Variants in TASOR2 observed in about 807,000 individuals in gnomAD.
TASOR2 encodes protein TASOR 2.
Under a neutral mutation model 199.5 loss-of-function variants are expected in TASOR2, and 84 were observed. The observed-to-expected ratio is 0.42, with a 90% CI of 0.35 to 0.50. The LOEUF is 0.50. Among genes scored for constraint, TASOR2 ranks in the 20% least tolerant of loss-of-function variants. The pLI is 0.02. For missense variants in TASOR2, 2,796 were observed against 2,835.9 expected, an observed-to-expected ratio of 0.99 and a Z score of 0.32; for synonymous variants, 1,103 against 1,046.6, an observed-to-expected ratio of 1.05 and a Z score of -1.04.
At position 5,711,998 on chromosome 10, in the gene TASOR2, TA is replaced by T. The variant is rs899049872; in HGVS notation, c.-287-815del. On this transcript the variant is annotated intron_variant, in intron 1 of 20. Transcript: ENST00000328090. The stretch of plus-strand genomic sequence containing the variant: ...GTTTATCAAGTGTGGCGTATATATT[TA>T]AAAAAAAAAGAATAGAAACAAAGGA... Among the ~76,000 whole-genome samples, 397 of 147,970 alleles carry T rather than the reference TA, an allele frequency of 2.7e-3. 2 individuals carry two copies. Among genetic ancestry groups the T allele is most frequent in the African/African-American group, 9.2e-3 (371 of 40,512 alleles).
Position 5,710,856 on chromosome 10 carries a change from C to G in TASOR2, c.-287-1967C>G, listed in dbSNP as rs1372029255. 6.6e-6 allele frequency among the ~76,000 whole-genome samples: 1 copy of G among 151,950 alleles called. No individual in the cohort carries two copies. The highest frequency in any genetic ancestry group is 2.4e-5 in the African/African-American group (1 of 41,388). On this transcript the variant is annotated intron_variant, in intron 1 of 20. Coordinates refer to ENST00000328090, the Ensembl canonical transcript of TASOR2. The surrounding 1 kb of genome is among the most constrained non-coding windows in gnomAD (Gnocchi z 4.6). ...TATAAAGTTCCCAAAATTATTGTTT[C>G]TAAAGAAATCTTGATTTGTGTTTAG...
rs371996495 is a variant in TASOR2, at chr10:5,754,971, G to A, written c.6607-1642G>A. 9.4e-4 allele frequency among the ~76,000 whole-genome samples: 140 copies of A among 149,482 alleles called. No individual in the cohort carries two copies. Among genetic ancestry groups the A allele is most frequent in the African/African-American group, 3.3e-3 (133 of 40,538 alleles). ...TGAGGCAGGAGAATGGCGTGAACCCGGGAGGCAGAGCTTGCAGTGAGCCGA... is the reference window on the plus strand; with the variant it reads ...TGAGGCAGGAGAATGGCGTGAACCCAGGAGGCAGAGCTTGCAGTGAGCCGA... On this transcript the variant is annotated intron_variant, in intron 15 of 20. Coordinates refer to ENST00000328090, the Ensembl canonical transcript of TASOR2. This position sits in a 1 kb window ranked among gnomAD's most constrained non-coding sequence, Gnocchi z 4.3.
At position 5,742,059 on chromosome 10, in the gene TASOR2, T is replaced by C; in HGVS notation, c.2328-38T>C. ...AAGGTAATCAACTAAAATAACCATT[T>C]TCAATGATTTTCATGTGTTCTTTCT... On this transcript the variant is annotated intron_variant, in intron 13 of 20. Coordinates refer to ENST00000328090, the Ensembl canonical transcript of TASOR2. This position sits in a 1 kb window ranked among gnomAD's most constrained non-coding sequence, Gnocchi z 4.2. 6.3e-7 allele frequency: 1 copy of C among 1,581,024 alleles called. No individual in the cohort carries two copies. The highest frequency in any genetic ancestry group is 8.6e-7 in the Non-Finnish European group (1 of 1,166,498).
At chr10:5,732,623 T>C (rs1834983317) in intron 11 of TASOR2, among the ~76,000 whole-genome samples, 1 of 152,236 alleles carries the variant, frequency 6.6e-6, no homozygotes, top group African/African-American at 2.4e-5. Flanking sequence ...AGTGACATGA[T>C]CATAGCTCAC....
At position 5,742,627 on chromosome 10, in the gene TASOR2, G is replaced by A. The variant is rs1347543360; in HGVS notation, c.2757+101G>A. On this transcript the variant is annotated intron_variant, in intron 14 of 20. Transcript: ENST00000328090. This position sits in a 1 kb window ranked among gnomAD's most constrained non-coding sequence, Gnocchi z 4.2. ...AAAACAAGGCATTTTTAAATTTTAG[G>A]ACAGTGAATTCTCAAGGTATGTAAA... The A allele has an allele frequency of 8.9e-7, 1 of 1,123,848 alleles. No homozygotes were observed. The highest frequency in any genetic ancestry group is 1.3e-6 in the Non-Finnish European group (1 of 791,100). The allele number at this position is 1,123,848 out of a possible 1,614,324, so 69.6% of individuals were successfully genotyped here.
intron 1 of TASOR2, among the ~76,000 whole-genome samples, chr10:5,707,437 G>A (rs1187919955): frequency 1.3e-5 from 2 of 151,956 alleles, no homozygotes; most frequent in African/African-American, 4.8e-5. Context: ...CTGCCATCTT[G>A]GTTGCAAGGA....
chr10:5,723,535 T>G (rs894685712), intron 6 of TASOR2, 142 bp from the exon 8 acceptor site: 1 of 469,756 alleles, frequency 2.1e-6, no homozygotes, highest in Non-Finnish European at 3.8e-6. Flanking sequence ...AAAATACACA[T>G]ATTATTTAAC....
Position 5,730,840 on chromosome 10 carries a change from C to G in TASOR2, c.841C>G (p.Leu281Val), listed in dbSNP as rs374378576. The G allele has an allele frequency of 5.6e-6, 9 of 1,614,188 alleles. No homozygotes were observed. The highest frequency in any genetic ancestry group is 1.1e-5 in the South Asian group (1 of 91,086). ...GGAAGTGTCTACTGCTTTGGACTTG[C>G]TAGCAGAGCATCCTCAGTCTCCTTG... Residue 281 changes from leucine (L) to valine (V), a missense_variant, in exon 11 of 21, where the codon CTA becomes GTA. By Grantham distance (32) the Leu-to-Val change is conservative. Around this residue, in one of 3 missense-constraint regions of TASOR2, gnomAD observed 847 missense variants for 887.4 expected, o/e 0.95. Transcript: ENST00000328090. The surrounding 1 kb of genome is among the most constrained non-coding windows in gnomAD (Gnocchi z 4.1).
chr10:5,748,186 G>A lies in TASOR2; in HGVS notation c.4765G>A (p.Asp1589Asn), dbSNP rs774219508. Residue 1589 changes from aspartate (D) to asparagine (N), a missense_variant, in exon 15 of 21, where the codon GAC becomes AAC. By Grantham distance (23) the Asp-to-Asn change is conservative. Around this residue, in one of 3 missense-constraint regions of TASOR2, gnomAD observed 1,941 missense variants for 1,924.9 expected, o/e 1.01. Transcript: ENST00000328090. The surrounding 1 kb of genome is among the most constrained non-coding windows in gnomAD (Gnocchi z 5.1). Reference sequence around the variant, plus strand: ...TGTTATTGAAAATAAGTCTTTGTCTGACACATTGGTTTCCACAACTGCACC... The same window carrying A: ...TGTTATTGAAAATAAGTCTTTGTCTAACACATTGGTTTCCACAACTGCACC... The A allele has an allele frequency of 1.2e-4, 188 of 1,614,102 alleles. No homozygotes were observed. Among genetic ancestry groups the A allele is most frequent in the Non-Finnish European group, 1.6e-4 (184 of 1,180,048 alleles).
At position 5,685,461 on chromosome 10, in the gene TASOR2, A is replaced by G. The variant is rs1835705262; in HGVS notation, c.-288+286A>G. On this transcript the variant is annotated intron_variant, in intron 1 of 20. Coordinates refer to ENST00000328090, the Ensembl canonical transcript of TASOR2. The surrounding 1 kb of genome is among the most constrained non-coding windows in gnomAD (Gnocchi z 5.4). ...AGGCGTTTCGTTTGCGTCGCCTGTC[A>G]GGGGACAGCTGCGTCCTCAGGGATA... Among the ~76,000 whole-genome samples the G allele has an allele frequency of 6.6e-6, 1 of 152,066 alleles. No individual in the cohort carries two copies. The highest frequency in any genetic ancestry group is 2.1e-4 in the South Asian group (1 of 4,826).
At chr10:5,736,172 G>A (rs1168094907) in intron 12 of TASOR2, among the ~76,000 whole-genome samples, 4 of 152,112 alleles carry the variant, frequency 2.6e-5, no homozygotes, top group Admixed American at 6.5e-5. Flanking sequence ...TGTAATCCCA[G>A]CACTTTGTGA....
chr10:5,715,443 A>T (rs1243521051), intron 2 of TASOR2, among the ~76,000 whole-genome samples: 1 of 152,014 alleles, frequency 6.6e-6, no homozygotes, highest in African/African-American at 2.4e-5. Context: ...GCCTTTATAG[A>T]TTTGTCTATT....
At position 5,748,663 on chromosome 10, in the gene TASOR2, G is replaced by T; in HGVS notation, c.5242G>T (p.Gly1748Trp). The change falls in exon 15 of 21, where the codon GGG (glycine) becomes TGG (tryptophan). Residue 1748 changes from glycine (G) to tryptophan (W), a missense_variant. Coordinates refer to ENST00000328090, the Ensembl canonical transcript of TASOR2. The surrounding 1 kb of genome is among the most constrained non-coding windows in gnomAD (Gnocchi z 5.1). ...TGAAACAAAGGAGCTATTGAATGTC[G>T]GGGTTTCCTCCCTTTGTGCTGGTCC... is the stretch of plus-strand genomic sequence containing the variant. 1 of 1,614,186 alleles carries T rather than the reference G, an allele frequency of 6.2e-7. No individual in the cohort carries two copies. Among genetic ancestry groups the T allele is most frequent in the Non-Finnish European group, 8.5e-7 (1 of 1,180,042 alleles).
intron 18 of TASOR2, chr10:5,761,068 G>A: frequency 2.0e-6 from 1 of 488,392 alleles, no homozygotes; most frequent in East Asian, 3.5e-5. Flanking sequence ...GTAGGTAGAT[G>A]CATGATGTCC....
rs1838179406 is a variant in TASOR2 at position 5,752,362 on chromosome 10, C to T, written c.6606+2335C>T. Reference sequence around the variant, plus strand: ...GGAGGTCTTTGCTCAGGAAGTGCTGCAGCACAGAAAGCAGAGCATAGGGGC... The same window carrying T: ...GGAGGTCTTTGCTCAGGAAGTGCTGTAGCACAGAAAGCAGAGCATAGGGGC... On this transcript the variant is annotated intron_variant, in intron 15 of 20. Coordinates refer to ENST00000328090, the Ensembl canonical transcript of TASOR2. This position sits in a 1 kb window ranked among gnomAD's most constrained non-coding sequence, Gnocchi z 4.4. 6.6e-6 allele frequency among the ~76,000 whole-genome samples: 1 copy of T among 152,192 alleles called. No homozygotes were observed. Among genetic ancestry groups the T allele is most frequent in the African/African-American group, 2.4e-5 (1 of 41,452 alleles).
In TASOR2 at chr10:5,730,914, A is replaced by G. The variant is rs1162807031; in HGVS notation, c.915A>G (p.Pro305=). The G allele has an allele frequency of 6.2e-7, 1 of 1,614,234 alleles. No homozygotes were observed. Among genetic ancestry groups the G allele is most frequent in the East Asian group, 2.2e-5 (1 of 44,890 alleles). The change falls in exon 11 of 21, where the codon CCA becomes CCG. Residue 305 remains proline, a synonymous_variant. Transcript: ENST00000328090. The surrounding 1 kb of genome is among the most constrained non-coding windows in gnomAD (Gnocchi z 4.1). ...CTGGATTTTCCTTAGTTATGACTCC[A>G]GATCCTGAATTTCTTGTCTCAGAGG...
At position 5,756,610 on chromosome 10, in the gene TASOR2, C is replaced by G. The variant is rs745578827; in HGVS notation, c.6607-3C>G. The G allele has an allele frequency of 6.8e-6, 11 of 1,611,764 alleles. No homozygotes were observed. Among genetic ancestry groups the G allele is most frequent in the Admixed American group, 1.7e-5 (1 of 59,724 alleles). ...TAATAATGGCTATTTGTAAATCTTT[C>G]AGAACCTTCTGAGGAAAGGAGGCCA... On this transcript the variant is annotated splice_region_variant and splice_polypyrimidine_tract_variant and intron_variant, in intron 15 of 20. Coordinates refer to ENST00000328090, the Ensembl canonical transcript of TASOR2.
chr10:5,717,568 A>T (rs954092606), intron 2 of TASOR2, 91 bp from the exon 4 acceptor site: 9 of 461,722 alleles, frequency 1.9e-5, no homozygotes, highest in Non-Finnish European at 3.1e-5. Flanking sequence ...CAACTATCAC[A>T]GTAGCTTTCT....
exon 15 of TASOR2, chr10:5,746,264 C>A: frequency 6.2e-7 from 1 of 1,613,846 alleles, no homozygotes; most frequent in Non-Finnish European, 8.5e-7. Context: ...ACTAATGGAC[C>A]TTCTGTTCCT....
Sources: allele counts gnomAD v4.1 joint callset (sites outside exome capture counted in the v4.1 genomes callset), GRCh38; gene constraint gnomAD v4.1.1; regional missense constraint gnomAD v4.1.1; non-coding constraint Gnocchi (gnomAD v3.1); transcripts MANE v1.5; gene names NCBI Gene and HGNC (gene_info 2026-07-23, HGNC 2026-07-21).